The following MBNL2 variants were observed in gnomAD, a reference collection of about 807,000 sequenced individuals.
MBNL2 encodes the protein muscleblind-like protein 2.
A neutral mutation model predicts 41.9 loss-of-function variants in MBNL2; 17 were observed. That is an observed-to-expected ratio of 0.41 (90% CI 0.28 to 0.61). The LOEUF is 0.61. Among genes scored for constraint, MBNL2 ranks in the 20% least tolerant of loss-of-function variants. MBNL2 has a pLI of 0.35. For missense variants in MBNL2, 336 were observed against 505.6 expected (o/e 0.66, Z 3.22); for synonymous variants, 195 against 182.9 (o/e 1.07, Z -0.53).
In MBNL2 at chr13:97,276,206, G is replaced by A; in HGVS notation, c.-30G>A. 1 of 1,586,048 alleles carries A rather than the reference G, an allele frequency of 6.3e-7. No individual in the cohort carries two copies. The highest frequency in any genetic ancestry group is 1.1e-5 in the South Asian group (1 of 89,176). On this transcript the variant is annotated 5_prime_UTR_variant, in exon 2 of 9. Coordinates refer to ENST00000679496, the MANE Select transcript of MBNL2 (RefSeq NM_001382683.1). ...CTTGGATTGATTTCATCATTTAACA[G>A]AAACAAACAGCCCAAATTACTTTAT...
the MBNL2 span, among the ~76,000 whole-genome samples, chr13:97,144,042 C>T: frequency 6.6e-6 from 1 of 152,124 alleles, no homozygotes; most frequent in Non-Finnish European, 1.5e-5. Context: ...CAGGGTTTCA[C>T]CACATTGACC....
At chr13:97,184,987 A>T in the MBNL2 span, among the ~76,000 whole-genome samples, 1 of 152,240 alleles carries the variant, frequency 6.6e-6, no homozygotes, top group Non-Finnish European at 1.5e-5. Flanking sequence ...TAATGAAACA[A>T]CAATTATTCA....
chr13:97,167,575 C>G, the MBNL2 span, among the ~76,000 whole-genome samples: 9 of 152,100 alleles, frequency 5.9e-5, no homozygotes, highest in African/African-American at 1.9e-4. Flanking sequence ...TTGGACTTAT[C>G]CATTATATTT....
intron 1 of MBNL2, among the ~76,000 whole-genome samples, chr13:97,241,565 A>T (rs1178982870): frequency 6.6e-6 from 1 of 152,252 alleles, no homozygotes; most frequent in Non-Finnish European, 1.5e-5. Flanking sequence ...CCTTTCATTC[A>T]GAGCACTGAT....
intron 2 of MBNL2, among the ~76,000 whole-genome samples, chr13:97,294,916 T>C (rs995828858): frequency 2.6e-5 from 4 of 152,230 alleles, no homozygotes; most frequent in African/African-American, 9.6e-5. Context: ...TGTCCAACTA[T>C]GCAGAAGCCT....
At chr13:97,258,150 T>C (rs1594105434) in intron 1 of MBNL2, among the ~76,000 whole-genome samples, 1 of 152,130 alleles carries the variant, frequency 6.6e-6, no homozygotes, top group East Asian at 1.9e-4. Context: ...CATTTAGCAA[T>C]AACATTACCT....
At chr13:97,320,597 C>T (rs933896280) in intron 2 of MBNL2, among the ~76,000 whole-genome samples, 3 of 152,066 alleles carry the variant, frequency 2.0e-5, no homozygotes, top group African/African-American at 7.2e-5. Flanking sequence ...CTCTGATAGC[C>T]TCAGCCATTC....
At position 97,334,701 on chromosome 13, in the gene MBNL2, C is replaced by T. The variant is rs2060730869; in HGVS notation, c.339+261C>T. On this transcript the variant is annotated intron_variant, in intron 3 of 8. Transcript: ENST00000679496. This position sits in a 1 kb window ranked among gnomAD's most constrained non-coding sequence, Gnocchi z 5.3. ...TCCAACTCTTTTCACCAGTAACTCT[C>T]TATCTCAGCCATCTTAGAACGGAAA... is the stretch of plus-strand genomic sequence containing the variant. 6.6e-6 allele frequency among the ~76,000 whole-genome samples: 1 copy of T among 152,340 alleles called. No individual in the cohort carries two copies. Among genetic ancestry groups the T allele is most frequent in the East Asian group, 1.9e-4 (1 of 5,186 alleles).
chr13:97,189,174 G>C, the MBNL2 span, among the ~76,000 whole-genome samples: 25 of 152,100 alleles, frequency 1.6e-4, no homozygotes, highest in South Asian at 5.0e-3. Flanking sequence ...GATTATAGGC[G>C]TTAGCCACTG....
At chr13:97,280,489 A>G (rs141543113) in intron 2 of MBNL2, among the ~76,000 whole-genome samples, 68 of 152,336 alleles carry the variant, frequency 4.5e-4, no homozygotes, top group African/African-American at 1.6e-3. Context: ...AAATTTAGAC[A>G]TAATCTTTTG....
At chr13:97,257,243 G>T (rs1041307068) in intron 1 of MBNL2, among the ~76,000 whole-genome samples, 2 of 151,812 alleles carry the variant, frequency 1.3e-5, no homozygotes, top group African/African-American at 4.8e-5. Context: ...GGTCAGACCA[G>T]TTTAAGGAAC....
the MBNL2 span, among the ~76,000 whole-genome samples, chr13:97,153,940 C>G: frequency 1.3e-5 from 2 of 152,206 alleles, no homozygotes; most frequent in African/African-American, 4.8e-5. Context: ...TTTCCAAACT[C>G]TCTTCCAATG....
chr13:97,193,993 C>T, the MBNL2 span, among the ~76,000 whole-genome samples: 1 of 152,208 alleles, frequency 6.6e-6, no homozygotes, highest in Non-Finnish European at 1.5e-5. Flanking sequence ...CATAATGTTA[C>T]TTGGAACATC....
At chr13:97,308,490 G>T (rs1458867423) in intron 2 of MBNL2, among the ~76,000 whole-genome samples, 1 of 152,162 alleles carries the variant, frequency 6.6e-6, no homozygotes, top group Non-Finnish European at 1.5e-5. Flanking sequence ...GTTGGAAGGG[G>T]AAAATGATGA....
chr13:97,250,423 T>C (rs536747789), intron 1 of MBNL2, among the ~76,000 whole-genome samples: 30 of 152,352 alleles, frequency 2.0e-4, no homozygotes, highest in African/African-American at 6.5e-4. Context: ...CAGCTCAGTC[T>C]GCCTTTTCCC....
chr13:97,248,764 A>G (rs780755280), intron 1 of MBNL2, among the ~76,000 whole-genome samples: 1 of 152,204 alleles, frequency 6.6e-6, no homozygotes, highest in Non-Finnish European at 1.5e-5. Context: ...GGTGGGACAA[A>G]ATCCTAAATG....
the MBNL2 span, among the ~76,000 whole-genome samples, chr13:97,195,261 T>C: frequency 6.6e-6 from 1 of 152,232 alleles, no homozygotes; most frequent in South Asian, 2.1e-4. Flanking sequence ...AGGCATCATC[T>C]CATTTGTGAT....
chr13:97,353,419 T>C (rs1345047559), intron 5 of MBNL2, among the ~76,000 whole-genome samples: 1 of 152,164 alleles, frequency 6.6e-6, no homozygotes, highest in Non-Finnish European at 1.5e-5. Context: ...TTTCCTTATT[T>C]AAAAGGACAA....
intron 1 of MBNL2, among the ~76,000 whole-genome samples, chr13:97,269,194 C>T (rs1210231741): frequency 6.6e-6 from 1 of 152,074 alleles, no homozygotes; most frequent in Admixed American, 6.6e-5. Context: ...ATTGGAAATA[C>T]AACCAAAAAA....
Sources: allele counts gnomAD v4.1 joint callset (sites outside exome capture counted in the v4.1 genomes callset), GRCh38; gene constraint gnomAD v4.1.1; non-coding constraint Gnocchi (gnomAD v3.1); transcripts MANE v1.5; gene names NCBI Gene and HGNC (gene_info 2026-07-23, HGNC 2026-07-21).